The following PCCA variants were observed in gnomAD, a reference collection of about 807,000 sequenced individuals.
PCCA encodes propionyl-CoA carboxylase subunit alpha.
PCCA carries 74 observed loss-of-function variants against 101.3 expected under a neutral mutation model. The ratio of observed to expected loss-of-function variants is 0.73; its 90% CI spans 0.61 to 0.89. The LOEUF is 0.89. PCCA is among the 40% of genes least tolerant of loss of function. The pLI, the probability that PCCA is intolerant of heterozygous loss-of-function variation, is 0.00. For missense variants in PCCA, 891 were observed against 907.0 expected, an observed-to-expected ratio of 0.98 and a Z score of 0.23; for synonymous variants, 294 against 313.6, an observed-to-expected ratio of 0.94 and a Z score of 0.66.
chr13:100,117,560 G>A (rs1344266571), intron 4 of PCCA, among the ~76,000 whole-genome samples: 1 of 151,920 alleles, frequency 6.6e-6, no homozygotes, highest in Non-Finnish European at 1.5e-5. Flanking sequence ...ACTCATAGGT[G>A]GGAATTGAAC....
intron 7 of PCCA, among the ~76,000 whole-genome samples, chr13:100,225,483 A>G (rs955266116): frequency 1.5e-4 from 23 of 152,190 alleles, no homozygotes; most frequent in African/African-American, 5.5e-4. Context: ...TGTTTTTATC[A>G]CCTAATTGGC....
intron 12 of PCCA, among the ~76,000 whole-genome samples, chr13:100,295,890 CTTA>C (rs994806394): frequency 6.6e-5 from 10 of 152,150 alleles, no homozygotes; most frequent in Non-Finnish European, 1.0e-4. Context: ...CCCCTTTTCC[CTTA>C]AAACTGATTT....
chr13:100,175,467 G>C (rs1008411544), intron 6 of PCCA, among the ~76,000 whole-genome samples: 19 of 152,194 alleles, frequency 1.2e-4, no homozygotes, highest in African/African-American at 4.6e-4. Flanking sequence ...GTGACAGGCT[G>C]CTCTGTTTTG....
chr13:100,393,480 G>A (rs1439978104), intron 19 of PCCA, among the ~76,000 whole-genome samples: 6 of 146,222 alleles, frequency 4.1e-5, no homozygotes, highest in African/African-American at 1.3e-4. Flanking sequence ...TTGCAATGGC[G>A]TGATCTCAGC....
chr13:100,447,340 T>C (rs947486112), intron 20 of PCCA, among the ~76,000 whole-genome samples: 4 of 151,884 alleles, frequency 2.6e-5, no homozygotes, highest in Non-Finnish European at 4.4e-5. Context: ...GCCGAGATTG[T>C]GCCACTGCAC....
At chr13:100,118,090 T>C (rs1484979881) in intron 4 of PCCA, among the ~76,000 whole-genome samples, 1 of 138,230 alleles carries the variant, frequency 7.2e-6, no homozygotes, top group African/African-American at 2.8e-5. Context: ...CAGTCCAGCC[T>C]GGGCGACAGA....
intron 21 of PCCA, among the ~76,000 whole-genome samples, chr13:100,464,784 A>C (rs1311548794): frequency 6.6e-6 from 1 of 152,188 alleles, no homozygotes; most frequent in Non-Finnish European, 1.5e-5. Context: ...ACCAAACTTG[A>C]CCAGGGAAGA....
At chr13:100,151,278 TAAA>T (rs1049707610) in intron 4 of PCCA, among the ~76,000 whole-genome samples, 6 of 152,142 alleles carry the variant, frequency 3.9e-5, no homozygotes, top group African/African-American at 1.4e-4. Context: ...CTCTGAAGAA[TAAA>T]ATAATTCAAA....
intron 6 of PCCA, among the ~76,000 whole-genome samples, chr13:100,185,015 A>G (rs1475721339): frequency 1.3e-5 from 2 of 152,252 alleles, no homozygotes; most frequent in Non-Finnish European, 2.9e-5. Context: ...AAAAATGCAC[A>G]TAATGTAAAT....
At chr13:100,517,858 C>T (rs191466676) in intron 22 of PCCA, among the ~76,000 whole-genome samples, 1 of 152,242 alleles carries the variant, frequency 6.6e-6, no homozygotes, top group African/African-American at 2.4e-5. Flanking sequence ...CGGCTCTTAG[C>T]GCAACTTCTA....
chr13:100,481,288 T>TG (rs1333096175), intron 21 of PCCA: 3 of 152,270 alleles, frequency 2.0e-5, no homozygotes, highest in Non-Finnish European at 4.4e-5. Flanking sequence ...CCAGGCACAG[T>TG]GGCTCACACC....
chr13:100,334,629 T>C (rs73557313), intron 17 of PCCA, among the ~76,000 whole-genome samples: 185 of 152,206 alleles, frequency 1.2e-3, no homozygotes, highest in African/African-American at 3.9e-3. Flanking sequence ...TTTTTCTAAA[T>C]AAAACAATTC....
chr13:100,119,214 A>G (rs572082253), intron 4 of PCCA, among the ~76,000 whole-genome samples: 1 of 152,062 alleles, frequency 6.6e-6, no homozygotes, highest in African/African-American at 2.4e-5. Flanking sequence ...CCTTTAGTAT[A>G]TTTATTTTTA....
chr13:100,363,865 T>C (rs1435467706), intron 18 of PCCA, among the ~76,000 whole-genome samples: 4 of 152,204 alleles, frequency 2.6e-5, no homozygotes, highest in Non-Finnish European at 5.9e-5. Context: ...AAGTATTTAC[T>C]CAAAAGCACC....
intron 18 of PCCA, among the ~76,000 whole-genome samples, chr13:100,351,764 T>C (rs1035236606): frequency 6.6e-6 from 1 of 152,192 alleles, no homozygotes. Flanking sequence ...TGCATATGTT[T>C]AGATATTGAT....
At chr13:100,351,302 C>CA (rs1348489842) in intron 18 of PCCA, among the ~76,000 whole-genome samples, 1 of 151,486 alleles carries the variant, frequency 6.6e-6, no homozygotes, top group African/African-American at 2.4e-5. Flanking sequence ...AGCCTTGTTC[C>CA]AAAAAAAGAT....
chr13:100,267,055 A>G (rs2062985730), intron 10 of PCCA, among the ~76,000 whole-genome samples: 1 of 152,222 alleles, frequency 6.6e-6, no homozygotes, highest in South Asian at 2.1e-4. Flanking sequence ...TAGTAAGTGC[A>G]CAGAATTTTT....
chr13:100,094,439 A>C (rs1045840341), intron 1 of PCCA, among the ~76,000 whole-genome samples: 18 of 152,174 alleles, frequency 1.2e-4, no homozygotes, highest in African/African-American at 4.3e-4. Context: ...TTAAATGCCT[A>C]TTGACATTTT....
intron 21 of PCCA, chr13:100,490,200 T>C (rs1429956968): frequency 6.6e-6 from 1 of 152,210 alleles, no homozygotes; most frequent in Non-Finnish European, 1.5e-5. Context: ...TTAGAGCAAA[T>C]ATACACATCC....
Sources: gnomAD v4.1 joint callset for allele counts (sites outside exome capture counted in the v4.1 genomes callset) on GRCh38, gnomAD v4.1.1 for gene constraint, MANE v1.5 for transcripts, NCBI Gene and HGNC (gene_info 2026-07-23, HGNC 2026-07-21) for gene names.